The following HECW1 variants were observed in gnomAD, a reference collection of about 807,000 sequenced individuals.
The protein encoded by HECW1 is E3 ubiquitin-protein ligase HECW1.
Under a neutral mutation model 182.3 loss-of-function variants are expected in HECW1, and 61 were observed. The ratio of observed to expected loss-of-function variants is 0.33; its 90% CI spans 0.27 to 0.41. The LOEUF (loss-of-function observed/expected upper bound fraction) is 0.41, where lower values mean the gene tolerates loss of function less well. HECW1 is among the 10% of genes least tolerant of loss of function. The probability of loss-of-function intolerance (pLI) is 1.00; values close to 1 mark genes in which losing one functional copy is unlikely to be tolerated. For missense variants in HECW1, 1,739 were observed against 2,108.9 expected (o/e 0.82, Z 3.44); for synonymous variants, 859 against 832.6 (o/e 1.03, Z -0.55).
intron 2 of HECW1, among the ~76,000 whole-genome samples, chr7:43,120,359 T>C (rs976784043): frequency 1.3e-5 from 2 of 152,112 alleles, no homozygotes; most frequent in African/African-American, 4.8e-5. Flanking sequence ...TCCATCTGCT[T>C]GTTTGCTTGC....
At chr7:43,405,278 T>A (rs1485950896) in intron 7 of HECW1, among the ~76,000 whole-genome samples, 1 of 152,196 alleles carries the variant, frequency 6.6e-6, no homozygotes, top group Non-Finnish European at 1.5e-5. Context: ...TTTCACACTC[T>A]AATAAGTCAG....
At chr7:43,161,292 G>A (rs1790501141) in intron 2 of HECW1, among the ~76,000 whole-genome samples, 3 of 152,126 alleles carry the variant, frequency 2.0e-5, no homozygotes, top group Admixed American at 6.5e-5. Flanking sequence ...CATTATGTTG[G>A]TTAATGGTAT....
chr7:43,240,728 T>C (rs1422073186), intron 2 of HECW1, among the ~76,000 whole-genome samples: 1 of 152,182 alleles, frequency 6.6e-6, no homozygotes, highest in Non-Finnish European at 1.5e-5. Context: ...TGATGAGTAG[T>C]GACAGGCCGT....
intron 5 of HECW1, among the ~76,000 whole-genome samples, chr7:43,336,180 C>G (rs1584524939): frequency 7.3e-6 from 1 of 136,136 alleles, no homozygotes; most frequent in Admixed American, 7.6e-5. Context: ...CTCTCTCTCT[C>G]TCTCTCTCTC....
At chr7:43,498,972 T>C (rs79096985) in intron 19 of HECW1, among the ~76,000 whole-genome samples, 7,256 of 152,078 alleles carry the variant, frequency 0.048, 307 homozygotes, top group Non-Finnish European at 0.065. Context: ...TTTTGGAAAA[T>C]AGATTTTTTT....
intron 3 of HECW1, among the ~76,000 whole-genome samples, chr7:43,286,406 A>G (rs1361733116): frequency 6.6e-6 from 1 of 152,152 alleles, no homozygotes; most frequent in Admixed American, 6.5e-5. Flanking sequence ...TCAGAGATGT[A>G]GTGCAACCAG....
intron 2 of HECW1, among the ~76,000 whole-genome samples, chr7:43,180,102 A>G (rs536955684): frequency 6.6e-6 from 1 of 152,370 alleles, no homozygotes; most frequent in South Asian, 2.1e-4. Context: ...AGTTGGTAAC[A>G]TTCCCTTTTA....
Position 43,200,001 on chromosome 7 carries a change from C to G in HECW1, c.-31-43874C>G, listed in dbSNP as rs149312967. ...AAGTACATAGGAATGGAAGAAGTCA[C>G]TAAGCGTCGCTCAATTTTTATAAAT... On this transcript the variant is annotated intron_variant, in intron 2 of 29. Coordinates refer to ENST00000395891, the MANE Select transcript of HECW1 (RefSeq NM_015052.5). 5.9e-5 allele frequency among the ~76,000 whole-genome samples: 9 copies of G among 152,318 alleles called. No individual in the cohort carries two copies. In the East Asian group the frequency reaches 1.3e-3, roughly 23 times the overall value.
At chr7:43,379,724 C>G (rs1035586209) in intron 6 of HECW1, among the ~76,000 whole-genome samples, 1 of 152,106 alleles carries the variant, frequency 6.6e-6, no homozygotes, top group African/African-American at 2.4e-5. Flanking sequence ...AAATAATTCA[C>G]TCCCTCCCCC....
chr7:43,256,688 ATAAT>A (rs1438489494), intron 3 of HECW1, among the ~76,000 whole-genome samples: 1 of 152,094 alleles, frequency 6.6e-6, no homozygotes, highest in African/African-American at 2.4e-5. Context: ...AAATACTGGA[ATAAT>A]TAATAAGTAG....
chr7:43,426,536 T>G (rs573239647), intron 8 of HECW1, among the ~76,000 whole-genome samples: 1 of 152,354 alleles, frequency 6.6e-6, no homozygotes, highest in African/African-American at 2.4e-5. Context: ...CAGCTAATTT[T>G]ATTTGGGATT....
At chr7:43,200,396 T>C (rs1794922849) in intron 2 of HECW1, among the ~76,000 whole-genome samples, 2 of 152,250 alleles carry the variant, frequency 1.3e-5, no homozygotes, top group South Asian at 4.1e-4. Context: ...GGCTCATGCA[T>C]GTCACTCAAT....
chr7:43,323,254 A>G (rs573556880), intron 5 of HECW1, among the ~76,000 whole-genome samples: 2 of 152,338 alleles, frequency 1.3e-5, no homozygotes, highest in East Asian at 3.9e-4. Context: ...ACCACTTCAT[A>G]TAATTGTCCT....
chr7:43,455,269 T>A (rs1158717305), intron 12 of HECW1, among the ~76,000 whole-genome samples: 1 of 152,236 alleles, frequency 6.6e-6, no homozygotes, highest in East Asian at 1.9e-4. Flanking sequence ...GCCAGAGATA[T>A]TTGACAGCTG....
intron 17 of HECW1, among the ~76,000 whole-genome samples, chr7:43,480,624 CGTGT>C (rs758770664): frequency 6.9e-6 from 1 of 145,618 alleles, no homozygotes. Context: ...TGTGTGTGTG[CGTGT>C]GTGTGTGTGT....
intron 2 of HECW1, among the ~76,000 whole-genome samples, chr7:43,196,468 T>A (rs1437998215): frequency 6.6e-6 from 1 of 152,234 alleles, no homozygotes; most frequent in African/African-American, 2.4e-5. Context: ...GAACCATGCT[T>A]TGATGACAAA....
chr7:43,363,586 CAAAG>C (rs1012435852), intron 6 of HECW1, among the ~76,000 whole-genome samples: 3 of 152,106 alleles, frequency 2.0e-5, no homozygotes, highest in African/African-American at 7.2e-5. Flanking sequence ...CCACCAGGGA[CAAAG>C]AGAGAAATCC....
At chr7:43,195,939 G>GGATGT (rs1449933746) in intron 2 of HECW1, among the ~76,000 whole-genome samples, 8 of 152,266 alleles carry the variant, frequency 5.3e-5, no homozygotes, top group African/African-American at 1.7e-4. Flanking sequence ...GTGTGATTGA[G>GGATGT]GATGTTAATG....
At chr7:43,261,420 T>C (rs997753473) in intron 3 of HECW1, among the ~76,000 whole-genome samples, 1 of 152,172 alleles carries the variant, frequency 6.6e-6, no homozygotes, top group African/African-American at 2.4e-5. Flanking sequence ...ATTTGTTCTC[T>C]TCTATTTGCT....
Sources: allele counts gnomAD v4.1 joint callset (sites outside exome capture counted in the v4.1 genomes callset), GRCh38; gene constraint gnomAD v4.1.1; transcripts MANE v1.5; gene names NCBI Gene and HGNC (gene_info 2026-07-23, HGNC 2026-07-21).